Variants in USP42 observed in about 807,000 individuals in gnomAD.
USP42 encodes ubiquitin carboxyl-terminal hydrolase 42.
USP42 carries 23 observed loss-of-function variants against 113.0 expected under a neutral mutation model. The observed-to-expected ratio is 0.20, with a 90% CI of 0.15 to 0.29. The LOEUF is 0.29. USP42 is among the 10% of genes least tolerant of loss of function. The probability of loss-of-function intolerance (pLI) is 1.00; values close to 1 mark genes in which losing one functional copy is unlikely to be tolerated. For missense variants in USP42, 2,174 were observed against 1,779.8 expected, an observed-to-expected ratio of 1.22 and a Z score of -3.99; for synonymous variants, 933 against 699.0, an observed-to-expected ratio of 1.33 and a Z score of -5.28.
At chr7:6,153,107 T>G in intron 14 of USP42, 3 of 200,578 alleles carry the variant, frequency 1.5e-5, no homozygotes, top group Non-Finnish European at 2.7e-5. Flanking sequence ...ACCCCATCTC[T>G]ACTAAAAACA....
At chr7:6,123,169 A>G (rs1008271487) in intron 3 of USP42, among the ~76,000 whole-genome samples, 13 of 152,168 alleles carry the variant, frequency 8.5e-5, no homozygotes, top group African/African-American at 2.9e-4. Flanking sequence ...CATTTATGAA[A>G]TGACCCTCTT....
chr7:6,111,602 A>G (rs1359960548), intron 2 of USP42, among the ~76,000 whole-genome samples: 2 of 147,144 alleles, frequency 1.4e-5, no homozygotes, highest in Non-Finnish European at 3.0e-5. Flanking sequence ...CTTTTATTCC[A>G]ATTTTTTTTT....
Position 6,154,266 on chromosome 7 carries a change from G to A in USP42, c.2712G>A (p.Leu904=). The change falls in exon 15 of 18, where the codon CTG becomes CTA. Residue 904 remains leucine (L), a synonymous_variant. Transcript: ENST00000306177. ...EAAERPPAPV[L]DMAPAGHPEG... ...CAGAGCGGCCGCCAGCTCCTGTGCT[G>A]GACATGGCCCCGGCCGGTCACCCGG... 16 of 1,602,638 alleles carry A rather than the reference G, an allele frequency of 1.0e-5. No homozygotes were observed. Among genetic ancestry groups the A allele is most frequent in the Non-Finnish European group, 1.4e-5 (16 of 1,175,842 alleles).
intron 3 of USP42, among the ~76,000 whole-genome samples, chr7:6,130,292 A>G (rs542739930): frequency 6.6e-6 from 1 of 152,322 alleles, no homozygotes; most frequent in South Asian, 2.1e-4. Context: ...CTCCGTTGGC[A>G]CCCCAGGTGG....
intron 12 of USP42, among the ~76,000 whole-genome samples, 188 bp downstream of exon 12, chr7:6,148,080 G>A (rs771699551): frequency 2.6e-5 from 4 of 152,214 alleles, no homozygotes; most frequent in Non-Finnish European, 5.9e-5. Flanking sequence ...GCTCAAGCTT[G>A]TAATCCCAGC....
At chr7:6,099,494 G>A in the USP42 span, among the ~76,000 whole-genome samples, 3 of 150,536 alleles carry the variant, frequency 2.0e-5, no homozygotes, top group South Asian at 2.1e-4. Context: ...GATTACAGGC[G>A]TGAGCCACTG....
At position 6,155,048 on chromosome 7, in the gene USP42, A is replaced by G; in HGVS notation, c.3494A>G (p.Asp1165Gly). The G allele has an allele frequency of 1.3e-6, 2 of 1,563,428 alleles. No individual in the cohort carries two copies. The highest frequency in any genetic ancestry group is 1.9e-5 in the Admixed American group (1 of 52,162). The change falls in exon 15 of 18, where the codon GAC becomes GGC. Residue 1165 changes from aspartate to glycine, a missense_variant. Transcript: ENST00000306177. ...GGAAAGTCCCGGAAACGGAGACACG[A>G]CAGTGTGGAGAACAGTGACAGTCAT... ...ENGKSRKRRH[D>G]SVENSDSHVE...
At chr7:6,083,870 C>T in the USP42 span, among the ~76,000 whole-genome samples, 2 of 150,912 alleles carry the variant, frequency 1.3e-5, no homozygotes, top group African/African-American at 5.0e-5. Context: ...GGGACATATT[C>T]TGGGGTCTCT....
intron 3 of USP42, among the ~76,000 whole-genome samples, chr7:6,131,872 A>G (rs1780869905): frequency 6.6e-6 from 1 of 152,220 alleles, no homozygotes; most frequent in Admixed American, 6.5e-5. Context: ...TCCGTCTCCC[A>G]GAAGTGCAAG....
At chr7:6,101,813 T>G (rs1437746829), upstream of USP42, among the ~76,000 whole-genome samples, 3 of 150,730 alleles carry the variant, frequency 2.0e-5, no homozygotes, top group Non-Finnish European at 4.4e-5. Flanking sequence ...GCGCAGTGGC[T>G]CACGCCTGCA....
At chr7:6,087,708 C>G in the USP42 span, among the ~76,000 whole-genome samples, 1 of 151,060 alleles carries the variant, frequency 6.6e-6, no homozygotes, top group Non-Finnish European at 1.5e-5. Flanking sequence ...TCTTCTCCAA[C>G]AACTATTTGA....
At chr7:6,100,930 A>T (rs1483194817), upstream of USP42, among the ~76,000 whole-genome samples, 1 of 151,020 alleles carries the variant, frequency 6.6e-6, no homozygotes, top group African/African-American at 2.5e-5. Context: ...GGCCTCCCAA[A>T]GGGCTGGGAC....
At chr7:6,113,035 C>G (rs539609780) in intron 2 of USP42, among the ~76,000 whole-genome samples, 10 of 151,380 alleles carry the variant, frequency 6.6e-5, no homozygotes, top group Non-Finnish European at 8.8e-5. Flanking sequence ...TCCCGAGTAG[C>G]TGGGACTACA....
At chr7:6,091,907 G>GC in the USP42 span, among the ~76,000 whole-genome samples, 1 of 150,508 alleles carries the variant, frequency 6.6e-6, no homozygotes, top group Admixed American at 6.6e-5. Flanking sequence ...TTCCTGAAAT[G>GC]CTGGCTGGCA....
intron 14 of USP42, among the ~76,000 whole-genome samples, chr7:6,153,402 C>CTGGGCTT (rs1782187812): frequency 6.6e-6 from 1 of 151,674 alleles, no homozygotes; most frequent in South Asian, 2.1e-4. Flanking sequence ...AGGCTAGGAG[C>CTGGGCTT]TGGGCTTGAT....
chr7:6,127,511 T>C (rs573108921), intron 3 of USP42, among the ~76,000 whole-genome samples: 1 of 152,290 alleles, frequency 6.6e-6, no homozygotes, highest in South Asian at 2.1e-4. Context: ...TGTCATTTGC[T>C]CCAGCGTCAT....
chr7:6,081,604 G>T, the USP42 span: 1 of 152,308 alleles, frequency 6.6e-6, no homozygotes, highest in Non-Finnish European at 1.5e-5. Flanking sequence ...CTTTCCGACT[G>T]GGCAGGCGGG....
At chr7:6,090,105 G>C in the USP42 span, among the ~76,000 whole-genome samples, 2 of 146,552 alleles carry the variant, frequency 1.4e-5, no homozygotes, top group African/African-American at 5.2e-5. Flanking sequence ...TTCGAGACCA[G>C]TCTGACCAAC....
intron 3 of USP42, among the ~76,000 whole-genome samples, chr7:6,126,721 A>G (rs1780568000): frequency 6.6e-6 from 1 of 152,086 alleles, no homozygotes; most frequent in Admixed American, 6.6e-5. Context: ...GTAGAGCTGC[A>G]GTAAACACAT....
Sources: gnomAD v4.1 joint callset for allele counts (sites outside exome capture counted in the v4.1 genomes callset) on GRCh38, gnomAD v4.1.1 for gene constraint, MANE v1.5 for transcripts, NCBI Gene and HGNC (gene_info 2026-07-23, HGNC 2026-07-21) for gene names.